The following ANTXR1 variants were observed in gnomAD, a reference collection of about 807,000 sequenced individuals.
The protein encoded by ANTXR1 is anthrax toxin receptor 1.
Under a neutral mutation model 78.1 loss-of-function variants are expected in ANTXR1, and 19 were observed. The observed-to-expected ratio is 0.24, with a 90% confidence interval of 0.17 to 0.36. ANTXR1 has a LOEUF of 0.36. ANTXR1 is among the 10% of genes least tolerant of loss of function. The pLI, the probability that ANTXR1 is intolerant of heterozygous loss-of-function variation, is 1.00. For synonymous variants in ANTXR1, 273 were observed against 260.5 expected, an observed-to-expected ratio of 1.05 and a Z score of -0.46; for missense variants, 518 against 718.6, an observed-to-expected ratio of 0.72 and a Z score of 3.19.
intron 13 of ANTXR1, among the ~76,000 whole-genome samples, chr2:69,163,684 C>T (rs778645247): frequency 1.3e-5 from 2 of 152,160 alleles, no homozygotes; most frequent in East Asian, 1.9e-4. Flanking sequence ...GAAAAGAACA[C>T]GCATTCAGGA....
intron 8 of ANTXR1, among the ~76,000 whole-genome samples, chr2:69,077,854 TGG>T (rs1169469884): frequency 1.3e-5 from 2 of 152,216 alleles, no homozygotes; most frequent in Admixed American, 1.3e-4. Context: ...CTTGTAGGCT[TGG>T]ACTTATATCA....
chr2:69,146,648 T>C (rs1338347342), intron 12 of ANTXR1, among the ~76,000 whole-genome samples: 4 of 152,234 alleles, frequency 2.6e-5, no homozygotes, highest in Non-Finnish European at 2.9e-5. Context: ...CCACTCCAGA[T>C]TCCCCCTGCC....
intron 13 of ANTXR1, among the ~76,000 whole-genome samples, chr2:69,158,543 T>C (rs917918638): frequency 2.0e-5 from 3 of 152,228 alleles, no homozygotes; most frequent in African/African-American, 7.2e-5. Flanking sequence ...CCCCAACTTA[T>C]GGTGGTTCAA....
At chr2:69,170,100 C>T in intron 13 of ANTXR1, 148 bp from the exon 14 acceptor site, 1 of 791,358 alleles carries the variant, frequency 1.3e-6, no homozygotes, top group East Asian at 2.7e-5. Context: ...AGCAAAGACA[C>T]CTCTCATGGC....
chr2:69,080,358 T>C lies in ANTXR1; in HGVS notation c.642+2870T>C, dbSNP rs993761270. Among the ~76,000 whole-genome samples the C allele has an allele frequency of 3.9e-5, 6 of 152,310 alleles. No homozygotes were observed. The Middle Eastern group carries it at 0.014, about 345-fold the overall frequency. On this transcript the variant is annotated intron_variant, in intron 8 of 17. Transcript: ENST00000303714. The stretch of plus-strand genomic sequence containing the variant: ...ATCTGAAGCCTCTATCCCAGCTTGT[T>C]CCCATGAATGTTGTTTTGTGGCTGG...
chr2:69,042,771 T>C (rs948925276), intron 2 of ANTXR1, among the ~76,000 whole-genome samples: 1 of 152,174 alleles, frequency 6.6e-6, no homozygotes, highest in Non-Finnish European at 1.5e-5. Flanking sequence ...CGCCAAGGTC[T>C]CACCCAGGGA....
At chr2:69,096,619 A>T (rs1671439298) in intron 9 of ANTXR1, among the ~76,000 whole-genome samples, 1 of 152,064 alleles carries the variant, frequency 6.6e-6, no homozygotes, top group African/African-American at 2.4e-5. Context: ...GCAGCCTACA[A>T]GTCCTATCTG....
chr2:69,049,595 C>T (rs1455788475), intron 3 of ANTXR1, among the ~76,000 whole-genome samples: 1 of 152,112 alleles, frequency 6.6e-6, no homozygotes, highest in Non-Finnish European at 1.5e-5. Flanking sequence ...CAGGTGTGAG[C>T]CACCACATCT....
chr2:69,162,901 A>G (rs1271727875), intron 13 of ANTXR1, among the ~76,000 whole-genome samples: 2 of 152,106 alleles, frequency 1.3e-5, no homozygotes, highest in Admixed American at 6.5e-5. Context: ...AAACTGTGCG[A>G]TCTTACAAAA....
chr2:69,073,666 C>G (rs1308480690), intron 6 of ANTXR1, among the ~76,000 whole-genome samples: 1 of 152,100 alleles, frequency 6.6e-6, no homozygotes, highest in East Asian at 1.9e-4. Context: ...GAAAAATTCT[C>G]TCAATGAAGA....
At chr2:69,234,972 T>G (rs1675715741) in intron 17 of ANTXR1, among the ~76,000 whole-genome samples, 1 of 139,642 alleles carries the variant, frequency 7.2e-6, no homozygotes, top group African/African-American at 2.7e-5. Context: ...CATAGAAAAG[T>G]GAAACTATAA....
At chr2:69,030,456 A>T (rs1456323794) in intron 1 of ANTXR1, among the ~76,000 whole-genome samples, 2 of 152,244 alleles carry the variant, frequency 1.3e-5, no homozygotes, top group Non-Finnish European at 2.9e-5. Flanking sequence ...AATTAAATAC[A>T]TATTGTTAAA....
intron 10 of ANTXR1, among the ~76,000 whole-genome samples, chr2:69,113,116 A>G (rs903910232): frequency 6.6e-6 from 1 of 152,224 alleles, no homozygotes; most frequent in Admixed American, 6.5e-5. Flanking sequence ...CGAGGACTCC[A>G]GGCATGTGCT....
intron 16 of ANTXR1, among the ~76,000 whole-genome samples, chr2:69,187,585 C>CTTTTT (rs58660678): frequency 1.5e-4 from 14 of 94,894 alleles, no homozygotes; most frequent in East Asian, 3.2e-4. Flanking sequence ...TCATGTATTT[C>CTTTTT]TTTTTTTTTT....
At chr2:69,220,796 A>T (rs1675299360) in intron 17 of ANTXR1, among the ~76,000 whole-genome samples, 1 of 152,174 alleles carries the variant, frequency 6.6e-6, no homozygotes, top group Admixed American at 6.5e-5. Flanking sequence ...TAACTATGAA[A>T]CTAAAGGATG....
At chr2:69,218,590 G>A (rs1675238026) in intron 17 of ANTXR1, among the ~76,000 whole-genome samples, 1 of 152,118 alleles carries the variant, frequency 6.6e-6, no homozygotes, top group Non-Finnish European at 1.5e-5. Context: ...GAAAGGGCAA[G>A]GTTGTCTGCC....
chr2:69,191,338 C>T (rs1046899474), intron 16 of ANTXR1, among the ~76,000 whole-genome samples: 1 of 152,144 alleles, frequency 6.6e-6, no homozygotes, highest in Non-Finnish European at 1.5e-5. Flanking sequence ...TGTATATAAT[C>T]CACCAGAAAA....
Position 69,245,693 on chromosome 2 carries a change from CA to C in ANTXR1, c.*209del. 2 of 654,876 alleles carry C rather than the reference CA, an allele frequency of 3.1e-6. No individual in the cohort carries two copies. The highest frequency in any genetic ancestry group is 3.9e-5 in the South Asian group (2 of 51,258). 40.6% of individuals were successfully genotyped at this position (654,876 alleles called of 1,614,324 possible). A position where few individuals can be genotyped will look rare whatever the true frequency, so the allele number is the denominator to read the frequency against. On this transcript the variant is annotated 3_prime_UTR_variant, in exon 18 of 18. Coordinates refer to ENST00000303714, the MANE Select transcript of ANTXR1 (RefSeq NM_032208.3). ...CAGAAAACAAATGATGAGGCAACTA[CA>C]GTCAGATTTATAGCCAGCCATCTAT...
intron 12 of ANTXR1, among the ~76,000 whole-genome samples, chr2:69,142,501 A>G (rs1020221976): frequency 2.6e-5 from 4 of 152,222 alleles, no homozygotes; most frequent in African/African-American, 9.6e-5. Flanking sequence ...ATAAAATAAG[A>G]GCACAAATGC....
Sources: allele counts gnomAD v4.1 joint callset (sites outside exome capture counted in the v4.1 genomes callset), GRCh38; gene constraint gnomAD v4.1.1; transcripts MANE v1.5; gene names NCBI Gene and HGNC (gene_info 2026-07-23, HGNC 2026-07-21).